Variants in CLVS1 observed in about 807,000 individuals in gnomAD.
The protein encoded by CLVS1 is clavesin-1.
In CLVS1, 10 loss-of-function variants were observed where a neutral mutation model predicts 33.1. The observed-to-expected ratio is 0.30, with a 90% CI of 0.19 to 0.51. CLVS1 has a LOEUF of 0.51. Ranked by LOEUF, CLVS1 falls within the 20% of genes least tolerant of loss-of-function variation. CLVS1 has a pLI of 0.97. For missense variants in CLVS1, 343 were observed against 433.4 expected, an observed-to-expected ratio of 0.79 and a Z score of 1.85; for synonymous variants, 163 against 166.1, an observed-to-expected ratio of 0.98 and a Z score of 0.14.
At position 61,376,798 on chromosome 8, in the gene CLVS1, C is replaced by A; in HGVS notation, c.630+19C>A. 1 of 1,582,088 alleles carries A rather than the reference C, an allele frequency of 6.3e-7. No individual in the cohort carries two copies. The highest frequency in any genetic ancestry group is 8.6e-7 in the Non-Finnish European group (1 of 1,159,294). On this transcript the variant is annotated intron_variant, in intron 3 of 5. Coordinates refer to ENST00000325897, the MANE Select transcript of CLVS1 (RefSeq NM_173519.3). Reference sequence around the variant, plus strand: ...GTTGCAGGTATGTTCAATGAATGCGCAATACAAGACCATGTGTGGCAACAT... The same window carrying A: ...GTTGCAGGTATGTTCAATGAATGCGAAATACAAGACCATGTGTGGCAACAT...
At chr8:60,987,465 T>C in the CLVS1 span, among the ~76,000 whole-genome samples, 9 of 152,046 alleles carry the variant, frequency 5.9e-5, no homozygotes, top group South Asian at 1.9e-3. Flanking sequence ...TGCCTGTTTG[T>C]TGGAGGAAGG....
At chr8:61,082,660 C>T (rs1805042865) in intron 1 of CLVS1, among the ~76,000 whole-genome samples, 1 of 152,108 alleles carries the variant, frequency 6.6e-6, no homozygotes, top group African/African-American at 2.4e-5. Context: ...CTTCAGAACC[C>T]ATGTATGTGA....
intron 2 of CLVS1, among the ~76,000 whole-genome samples, chr8:61,315,960 A>G (rs1416917391): frequency 6.6e-6 from 1 of 151,932 alleles, no homozygotes; most frequent in Non-Finnish European, 1.5e-5. Context: ...ACTCCCACTT[A>G]TGGATGAGAA....
intron 1 of CLVS1, among the ~76,000 whole-genome samples, chr8:61,121,201 A>C (rs4366081): frequency 0.66 from 100,845 of 151,740 alleles, 36,067 homozygotes; most frequent in East Asian, 0.97. Context: ...TTGCGCTTCC[A>C]AAGTGAGGCA....
At chr8:61,121,974 G>A (rs1805880434) in intron 1 of CLVS1, among the ~76,000 whole-genome samples, 1 of 152,208 alleles carries the variant, frequency 6.6e-6, no homozygotes, top group Non-Finnish European at 1.5e-5. Flanking sequence ...CAACACAGTG[G>A]GAGGTAAAGA....
chr8:61,067,145 G>A (rs1354461582), intron 1 of CLVS1, among the ~76,000 whole-genome samples: 18 of 152,148 alleles, frequency 1.2e-4, no homozygotes, highest in Admixed American at 9.8e-4. Context: ...GACCTGTATT[G>A]ACTGCACTTT....
intron 5 of CLVS1, among the ~76,000 whole-genome samples, chr8:61,468,144 T>C (rs1395677209): frequency 6.6e-6 from 1 of 152,196 alleles, no homozygotes; most frequent in Non-Finnish European, 1.5e-5. Flanking sequence ...AACAACAATG[T>C]AAAACAAACC....
chr8:61,324,685 T>A (rs1043609754), intron 2 of CLVS1, among the ~76,000 whole-genome samples: 5 of 152,100 alleles, frequency 3.3e-5, no homozygotes, highest in Non-Finnish European at 7.4e-5. Context: ...ACAAAAATGT[T>A]GATAGTGATA....
rs561464263 is a variant in CLVS1 at position 61,133,389 on chromosome 8, T to C, written c.-152+1529T>C. On this transcript the variant is annotated intron_variant, in intron 2 of 2. Transcript: ENST00000522621. ...TAGAGTAGCCAAGATGACAAAGGGGTATGGAAGTCCAGGAAGAAGCCGTGG... is the reference window on the plus strand; with the variant it reads ...TAGAGTAGCCAAGATGACAAAGGGGCATGGAAGTCCAGGAAGAAGCCGTGG... Among the ~76,000 whole-genome samples, 25 of 151,354 alleles carry C rather than the reference T, an allele frequency of 1.7e-4. No individual in the cohort carries two copies. The South Asian group carries it at 1.9e-3, about 11-fold the overall frequency.
At chr8:61,498,223 A>C (rs1804336759) in intron 5 of CLVS1, among the ~76,000 whole-genome samples, 1 of 152,298 alleles carries the variant, frequency 6.6e-6, no homozygotes, top group African/African-American at 2.4e-5. Flanking sequence ...CCTAAAGCCC[A>C]GACATACAAA....
At chr8:61,382,269 T>C (rs761771396) in intron 3 of CLVS1, among the ~76,000 whole-genome samples, 3 of 152,204 alleles carry the variant, frequency 2.0e-5, no homozygotes, top group Non-Finnish European at 4.4e-5. Context: ...TATTAATATA[T>C]TCACACCAAT....
intron 2 of CLVS1, among the ~76,000 whole-genome samples, chr8:61,173,076 C>A (rs149868377): frequency 6.6e-6 from 1 of 152,034 alleles, no homozygotes; most frequent in Non-Finnish European, 1.5e-5. Context: ...GTGTCAAGTG[C>A]GCATTCAGTA....
At chr8:61,435,326 ACTTC>A (rs1563552172) in intron 3 of CLVS1, among the ~76,000 whole-genome samples, 1 of 152,158 alleles carries the variant, frequency 6.6e-6, no homozygotes, top group Non-Finnish European at 1.5e-5. Flanking sequence ...TTTAGGAAGC[ACTTC>A]TGCTTCCTTC....
chr8:61,434,757 G>T (rs1189175840), intron 3 of CLVS1, among the ~76,000 whole-genome samples: 1 of 152,172 alleles, frequency 6.6e-6, no homozygotes, highest in Non-Finnish European at 1.5e-5. Context: ...TCAGATAGCA[G>T]ACTTCACAGA....
chr8:61,487,863 A>G (rs372311417), intron 5 of CLVS1, among the ~76,000 whole-genome samples: 1 of 152,216 alleles, frequency 6.6e-6, no homozygotes, highest in Non-Finnish European at 1.5e-5. Context: ...TGCAGAGGGA[A>G]TGAGTCATCA....
chr8:61,070,927 T>C (rs1804782722), intron 1 of CLVS1, among the ~76,000 whole-genome samples: 1 of 152,208 alleles, frequency 6.6e-6, no homozygotes, highest in African/African-American at 2.4e-5. Flanking sequence ...TCCTCTTTGA[T>C]CTATGTAGAC....
chr8:61,355,822 A>C (rs1272535985), intron 2 of CLVS1, among the ~76,000 whole-genome samples: 4 of 152,162 alleles, frequency 2.6e-5, no homozygotes, highest in Non-Finnish European at 4.4e-5. Context: ...ATTGTTGGAC[A>C]TTTGGGTTGG....
chr8:61,033,981 G>A, the CLVS1 span, among the ~76,000 whole-genome samples: 5 of 152,192 alleles, frequency 3.3e-5, no homozygotes, highest in African/African-American at 9.7e-5. Context: ...TCTTCTGGCA[G>A]CATTGGCTCT....
At chr8:61,328,947 C>A (rs1351847838) in intron 2 of CLVS1, among the ~76,000 whole-genome samples, 1 of 152,138 alleles carries the variant, frequency 6.6e-6, no homozygotes, top group South Asian at 2.1e-4. Context: ...GAATGGCATA[C>A]CATGTCTAAC....
Sources: gnomAD v4.1 joint callset for allele counts (sites outside exome capture counted in the v4.1 genomes callset) on GRCh38, gnomAD v4.1.1 for gene constraint, MANE v1.5 for transcripts, NCBI Gene and HGNC (gene_info 2026-07-23, HGNC 2026-07-21) for gene names.